Variants in TENT2 observed in about 807,000 individuals in gnomAD.
The protein encoded by TENT2 is poly(A) RNA polymerase GLD2.
A neutral mutation model predicts 72.2 loss-of-function variants in TENT2; 44 were observed. The ratio of observed to expected loss-of-function variants is 0.61; its 90% confidence interval spans 0.48 to 0.78. The LOEUF is 0.78. TENT2 is among the 30% of genes least tolerant of loss of function. TENT2 has a pLI of 0.00. For synonymous variants in TENT2, 212 were observed against 192.5 expected (o/e 1.10, Z -0.84); for missense variants, 541 against 569.6 (o/e 0.95, Z 0.51).
rs533138379 is a variant in TENT2, at chr5:79,687,296, TAATCTC to T, written c.*2027_*2032del. Reference sequence around the variant, plus strand: ...AGAATTTTCTGGACTTTTAAGTTATTAATCTCAATTATTTGTGTGGTGAGTACTAAA... The same window carrying T: ...AGAATTTTCTGGACTTTTAAGTTATTAATTATTTGTGTGGTGAGTACTAAA... On this transcript the variant is annotated 3_prime_UTR_variant, in exon 15 of 15. Coordinates refer to ENST00000453514, the MANE Select transcript of TENT2 (RefSeq NM_001114394.3). Among the ~76,000 whole-genome samples, 299 of 152,328 alleles carry T rather than the reference TAATCTC, an allele frequency of 2.0e-3. 1 individual carries two copies. Among genetic ancestry groups the T allele is most frequent in the African/African-American group, 7.0e-3 (290 of 41,578 alleles).
In TENT2 at chr5:79,619,755, T is replaced by A. The variant is rs768263040; in HGVS notation, c.107T>A (p.Ile36Lys). The A allele has an allele frequency of 6.2e-7, 1 of 1,613,614 alleles. No homozygotes were observed. Among genetic ancestry groups the A allele is most frequent in the African/African-American group, 1.3e-5 (1 of 75,030 alleles). Reference protein sequence around the residue: ...SPTVYSHQQLIDAQFNFQNAD... With the variant: ...SPTVYSHQQLKDAQFNFQNAD... The stretch of plus-strand genomic sequence containing the variant: ...ACTGTTTATTCACACCAGCAGCTTA[T>A]AGATGCACAATTCAACTTTCAGAAT... Residue 36 changes from isoleucine (I) to lysine (K), a missense_variant, in exon 2 of 15, where the codon ATA becomes AAA. Transcript: ENST00000453514.
At position 79,679,679 on chromosome 5, in the gene TENT2, C is replaced by T. The variant is rs757434666; in HGVS notation, c.1300+9C>T. 2 of 1,494,700 alleles carry T rather than the reference C, an allele frequency of 1.3e-6. No homozygotes were observed. The allele number at this position is 1,494,700 out of a possible 1,614,324, so 92.6% of individuals were successfully genotyped here. ...ATACATCTGTGTAGAAGGTAGTTTTCTGTTTACCATCTACGTATCATCATG... is the reference window on the plus strand; with the variant it reads ...ATACATCTGTGTAGAAGGTAGTTTTTTGTTTACCATCTACGTATCATCATG... On this transcript the variant is annotated intron_variant, in intron 13 of 14. Transcript: ENST00000453514.
Position 79,640,922 on chromosome 5 carries a change from C to CT in TENT2, c.538dup (p.Cys180LeufsTer34). 6.2e-7 allele frequency: 1 copy of CT among 1,612,624 alleles called. No individual in the cohort carries two copies. Among genetic ancestry groups the CT allele is most frequent in the Non-Finnish European group, 8.5e-7 (1 of 1,179,398 alleles). On this transcript the variant is annotated frameshift_variant, in exon 5 of 15. Transcript: ENST00000453514. LOFTEE classifies it high-confidence loss of function. ...TAAGTGATTTAAAGAAGAAAGAACT[C>CT]TGTCGAACACAGCTGCAGAGAGAAA...
chr5:79,614,091 CTTTTTTTTTTTTTTTT>C (rs530001400), intron 1 of TENT2: 9 of 78,456 alleles, frequency 1.1e-4, no homozygotes, highest in Non-Finnish European at 1.4e-4. Flanking sequence ...AGGAATTAAT[CTTTTTTTTTTTTTTTT>C]TTTTTTTTTT....
At chr5:79,673,751 A>G (rs1444860122) in intron 12 of TENT2, among the ~76,000 whole-genome samples, 1 of 152,138 alleles carries the variant, frequency 6.6e-6, no homozygotes, top group African/African-American at 2.4e-5. Flanking sequence ...TCAAGTGGAG[A>G]TACTGAGTAG....
At chr5:79,680,883 C>T (rs535679982) in intron 13 of TENT2, among the ~76,000 whole-genome samples, 1 of 152,098 alleles carries the variant, frequency 6.6e-6, no homozygotes, top group South Asian at 2.1e-4. Flanking sequence ...TTCCTGATGC[C>T]TTTAGTTATC....
intron 11 of TENT2, among the ~76,000 whole-genome samples, chr5:79,661,223 A>C (rs1802631936): frequency 6.6e-6 from 1 of 152,204 alleles, no homozygotes; most frequent in South Asian, 2.1e-4. Flanking sequence ...TATAAAGTCT[A>C]CAGTAGCGTA....
intron 12 of TENT2, among the ~76,000 whole-genome samples, chr5:79,676,678 A>G (rs1817581448): frequency 6.6e-6 from 1 of 152,164 alleles, no homozygotes; most frequent in African/African-American, 2.4e-5. Context: ...ACTTGCTTCT[A>G]ATATAATTGG....
At position 79,686,987 on chromosome 5, in the gene TENT2, T is replaced by A. The variant is rs190169789; in HGVS notation, c.*1714T>A. 3.3e-5 allele frequency among the ~76,000 whole-genome samples: 5 copies of A among 152,300 alleles called. No individual in the cohort carries two copies. Among genetic ancestry groups the A allele is most frequent in the African/African-American group, 9.6e-5 (4 of 41,570 alleles). ...TAGTCATAGTACTATTCAGTAATACTGTGCAACTTTCAGGGATGGGTAAGT... is the reference window on the plus strand; with the variant it reads ...TAGTCATAGTACTATTCAGTAATACAGTGCAACTTTCAGGGATGGGTAAGT... On this transcript the variant is annotated 3_prime_UTR_variant, in exon 15 of 15. Transcript: ENST00000453514.
rs372529761 is a variant in TENT2 at position 79,640,969 on chromosome 5, T to C, written c.580+4T>C. On this transcript the variant is annotated splice_donor_region_variant and intron_variant, in intron 5 of 14. Transcript: ENST00000453514. ...GAAATTCAGCTGTTATTTCCACGTA[T>C]GTTTCCCTATTTTGCATGTCCTTTA... The C allele has an allele frequency of 5.8e-5, 93 of 1,595,424 alleles. No individual in the cohort carries two copies. Among genetic ancestry groups the C allele is most frequent in the Non-Finnish European group, 6.9e-5 (81 of 1,172,588 alleles).
At chr5:79,659,879 G>T (rs762915652) in intron 11 of TENT2, among the ~76,000 whole-genome samples, 5 of 139,464 alleles carry the variant, frequency 3.6e-5, no homozygotes, top group Non-Finnish European at 7.5e-5. Flanking sequence ...TTCATATACA[G>T]ATATACCTTT....
At chr5:79,668,740 T>A in intron 11 of TENT2, 152 bp from the exon 12 acceptor site, 1 of 772,630 alleles carries the variant, frequency 1.3e-6, no homozygotes, top group Admixed American at 2.7e-5. Context: ...TGGTGAAGTC[T>A]TTAGTGGAAG....
chr5:79,634,087 C>T (rs1191185140), intron 4 of TENT2, among the ~76,000 whole-genome samples: 4 of 144,922 alleles, frequency 2.8e-5, no homozygotes, highest in Non-Finnish European at 4.5e-5. Flanking sequence ...ACCTGGAAGG[C>T]GGAGCTTGCA....
intron 8 of TENT2, among the ~76,000 whole-genome samples, chr5:79,647,223 T>C (rs2150098765): frequency 6.6e-6 from 1 of 152,346 alleles, no homozygotes; most frequent in Admixed American, 6.5e-5. Flanking sequence ...ACATTTGGTG[T>C]GTTTCTGGTT....
chr5:79,627,079 G>A (rs552758305), intron 4 of TENT2, among the ~76,000 whole-genome samples: 5 of 150,680 alleles, frequency 3.3e-5, no homozygotes, highest in Admixed American at 2.6e-4. Context: ...ACAGTGAGCC[G>A]AGATCATGCC....
chr5:79,648,593 A>G (rs1215644354), intron 8 of TENT2, 24 bp from the exon 9 acceptor site: 1 of 1,449,604 alleles, frequency 6.9e-7, no homozygotes, highest in African/African-American at 1.5e-5. Context: ...AAGTTTATTT[A>G]TTTATTTATT....
intron 12 of TENT2, among the ~76,000 whole-genome samples, chr5:79,669,848 T>A (rs1458823516): frequency 6.6e-6 from 1 of 152,118 alleles, no homozygotes; most frequent in Non-Finnish European, 1.5e-5. Flanking sequence ...ATAATTGTTA[T>A]CTGGTGTGTG....
intron 10 of TENT2, among the ~76,000 whole-genome samples, chr5:79,652,832 T>TA (rs1202910516): frequency 1.3e-5 from 2 of 152,060 alleles, no homozygotes; most frequent in Non-Finnish European, 2.9e-5. Flanking sequence ...CTTGAACATA[T>TA]ATTACTTTAT....
chr5:79,641,242 A>C, intron 6 of TENT2, 46 bp downstream of exon 6: 18 of 1,460,160 alleles, frequency 1.2e-5, no homozygotes, highest in Non-Finnish European at 1.6e-5. Context: ...CATGTTAATG[A>C]GTTAAGAAAT....
Sources: allele counts gnomAD v4.1 joint callset (sites outside exome capture counted in the v4.1 genomes callset), GRCh38; gene constraint gnomAD v4.1.1; transcripts MANE v1.5; gene names NCBI Gene and HGNC (gene_info 2026-07-23, HGNC 2026-07-21).